ABR: variants seen among roughly 807,000 people sequenced by gnomAD.
ABR encodes active breakpoint cluster region-related protein.
Under a neutral mutation model 107.2 loss-of-function variants are expected in ABR, and 35 were observed. That is an observed-to-expected ratio of 0.33 (90% CI 0.25 to 0.43). The LOEUF is 0.43. Among genes scored for constraint, ABR ranks in the 20% least tolerant of loss-of-function variants. The probability of loss-of-function intolerance (pLI) is 1.00; values close to 1 mark genes in which losing one functional copy is unlikely to be tolerated. For missense variants in ABR, 815 were observed against 1,115.2 expected (o/e 0.73, Z 3.83); for synonymous variants, 498 against 462.0 (o/e 1.08, Z -1.00).
chr17:1,208,658 G>T (rs1001152260), intron 1 of ABR, among the ~76,000 whole-genome samples: 1 of 152,190 alleles, frequency 6.6e-6, no homozygotes, highest in Non-Finnish European at 1.5e-5. Flanking sequence ...GGAGGCCGAG[G>T]CGGGCGGATC....
chr17:1,032,819 G>A (rs2072916168), intron 16 of ABR, among the ~76,000 whole-genome samples: 1 of 152,192 alleles, frequency 6.6e-6, no homozygotes, highest in African/African-American at 2.4e-5. Flanking sequence ...GTTTAACTAT[G>A]CAAAACCCAG....
At chr17:1,085,013 G>A (rs949255438) in intron 4 of ABR, among the ~76,000 whole-genome samples, 3 of 151,118 alleles carry the variant, frequency 2.0e-5, no homozygotes, top group African/African-American at 7.3e-5. Context: ...TATTGGTCAG[G>A]CTGGTCTCAA....
At chr17:1,215,287 G>A (rs893816981) in intron 1 of ABR, among the ~76,000 whole-genome samples, 28 of 151,114 alleles carry the variant, frequency 1.9e-4, no homozygotes, top group Middle Eastern at 3.5e-3. Flanking sequence ...CTCTGATGCC[G>A]AGCCGAAGCT....
At chr17:1,073,573 C>A in intron 7 of ABR, 52 bp downstream of exon 7, 1 of 1,404,412 alleles carries the variant, frequency 7.1e-7, no homozygotes, top group South Asian at 1.5e-5. Flanking sequence ...CAGGCTCAGT[C>A]TTCCACTGAA....
At chr17:1,026,280 G>A (rs914693642) in intron 16 of ABR, among the ~76,000 whole-genome samples, 2 of 152,232 alleles carry the variant, frequency 1.3e-5, no homozygotes, top group Non-Finnish European at 2.9e-5. Flanking sequence ...CCGGCCTGGC[G>A]CCCTGTCTTC....
At chr17:1,079,104 G>T in intron 6 of ABR, 1 of 1,436,870 alleles carries the variant, frequency 7.0e-7, no homozygotes, top group Non-Finnish European at 9.1e-7. Context: ...GCATCCTAAA[G>T]AGGAGCACGT....
At chr17:1,117,300 G>T (rs1487621220) in intron 2 of ABR, among the ~76,000 whole-genome samples, 2 of 55,366 alleles carry the variant, frequency 3.6e-5, no homozygotes, top group Admixed American at 2.1e-4. Flanking sequence ...TCCTCCCAGC[G>T]TTATCCCTGA....
At chr17:1,067,750 T>C (rs1419772625) in intron 9 of ABR, among the ~76,000 whole-genome samples, 3 of 152,098 alleles carry the variant, frequency 2.0e-5, no homozygotes, top group Non-Finnish European at 4.4e-5. Context: ...TGTGCCCTAG[T>C]TGATTAGTGA....
At chr17:1,160,044 C>T (rs976352096) in intron 1 of ABR, among the ~76,000 whole-genome samples, 2 of 152,092 alleles carry the variant, frequency 1.3e-5, no homozygotes, top group African/African-American at 4.8e-5. Flanking sequence ...GGAGAGGGAC[C>T]CACAGCAGGC....
intron 17 of ABR, 49 bp from the exon 18 acceptor site, chr17:1,012,846 G>C (rs199536100): frequency 4.7e-5 from 68 of 1,460,320 alleles, no homozygotes; most frequent in Non-Finnish European, 5.6e-5. Context: ...GTGAGTGCCC[G>C]AGGAATGCCC....
chr17:1,056,226 C>A, intron 13 of ABR, 117 bp from the exon 14 acceptor site: 1 of 881,462 alleles, frequency 1.1e-6, no homozygotes, highest in Non-Finnish European at 1.9e-6. Flanking sequence ...GGTCCAACAT[C>A]ACCACCTGGT....
chr17:1,199,946 T>C (rs769690818), intron 1 of ABR, among the ~76,000 whole-genome samples: 60 of 151,988 alleles, frequency 3.9e-4, no homozygotes, highest in Non-Finnish European at 6.8e-4. Context: ...TATTATACTT[T>C]AAATTTTAGG....
chr17:1,079,447 C>G (rs893612858), intron 5 of ABR, 57 bp from the exon 6 acceptor site: 27 of 1,493,266 alleles, frequency 1.8e-5, no homozygotes, highest in Non-Finnish European at 2.5e-5. Flanking sequence ...CTCCCAGCCC[C>G]CACTGTGAGC....
Position 1,070,188 on chromosome 17 carries a change from C to A in ABR, c.895-98G>T, listed in dbSNP as rs1013783832. ...CACGGCCAGCCAGGGAGGACTGGAC[C>A]GAGAGGCGGCATAGCCTGTCATCCC... On this transcript the variant is annotated intron_variant, in intron 8 of 22. Coordinates refer to ENST00000302538, the MANE Select transcript of ABR (RefSeq NM_021962.5). This position sits in a 1 kb window ranked among gnomAD's most constrained non-coding sequence, Gnocchi z 4.2. 2.0e-6 allele frequency: 3 copies of A among 1,504,564 alleles called. No homozygotes were observed. The highest frequency in any genetic ancestry group is 2.3e-5 in the East Asian group (1 of 43,502). 93.2% of individuals were successfully genotyped at this position (1,504,564 alleles called of 1,614,324 possible).
rs778669943 is a variant in ABR, at chr17:1,013,402, G to GCA, written c.1792-240_1792-239dup. Among the ~76,000 whole-genome samples, 9 of 151,552 alleles carry GCA rather than the reference G, an allele frequency of 5.9e-5. No homozygotes were observed. In the East Asian group the frequency reaches 7.8e-4, roughly 13 times the overall value. On this transcript the variant is annotated intron_variant, in intron 16 of 22. Coordinates refer to ENST00000302538, the MANE Select transcript of ABR (RefSeq NM_021962.5). The stretch of plus-strand genomic sequence containing the variant: ...TGTTACCCGCCGTGGGGGAGGCAGG[G>GCA]CACACCCTGTTACCCGCCGTGGGGG...
chr17:1,166,502 G>A (rs2041512489), intron 1 of ABR, among the ~76,000 whole-genome samples: 1 of 152,196 alleles, frequency 6.6e-6, no homozygotes, highest in South Asian at 2.1e-4. Flanking sequence ...GCCCGGGGGT[G>A]TGGCAGTGGG....
At chr17:1,158,447 C>T (rs2041130006) in intron 1 of ABR, among the ~76,000 whole-genome samples, 1 of 151,382 alleles carries the variant, frequency 6.6e-6, no homozygotes, top group Admixed American at 6.6e-5. Flanking sequence ...TGCTGTTTTG[C>T]ATATTGCTAC....
At position 1,146,313 on chromosome 17, in the gene ABR, CCCA is replaced by C. The variant is rs1021598858; in HGVS notation, c.62-20949_62-20947del. Among the ~76,000 whole-genome samples, 32 of 149,252 alleles carry C rather than the reference CCCA, an allele frequency of 2.1e-4. 1 individual carries two copies. The South Asian group carries it at 5.7e-3, about 27-fold the overall frequency. ...CACACACACATCACATCCTTGTGGC[CCCA>C]CCACCTCTGGCCCCCACACTCCATT... On this transcript the variant is annotated intron_variant, in intron 1 of 22. Transcript: ENST00000302538.
intron 2 of ABR, chr17:1,101,283 C>T (rs541454885): frequency 2.5e-4 from 39 of 153,012 alleles, no homozygotes; most frequent in Admixed American, 7.1e-4. Flanking sequence ...CCCCCCTTTC[C>T]CCTTTCCTTT....
Sources: gnomAD v4.1 joint callset for allele counts (sites outside exome capture counted in the v4.1 genomes callset) on GRCh38, gnomAD v4.1.1 for gene constraint, Gnocchi (gnomAD v3.1) non-coding constraint, MANE v1.5 for transcripts, NCBI Gene and HGNC (gene_info 2026-07-23, HGNC 2026-07-21) for gene names.